The following KCNB2 variants were observed in gnomAD, a reference collection of about 807,000 sequenced individuals.
KCNB2 encodes delayed rectifier potassium channel protein.
Under a neutral mutation model 61.5 loss-of-function variants are expected in KCNB2, and 15 were observed. The ratio of observed to expected loss-of-function variants is 0.24; its 90% CI spans 0.16 to 0.38. KCNB2 has a LOEUF of 0.38. Among genes scored for constraint, KCNB2 ranks in the 10% least tolerant of loss-of-function variants. The probability of loss-of-function intolerance (pLI) is 1.00; values close to 1 mark genes in which losing one functional copy is unlikely to be tolerated. For missense variants in KCNB2, 828 were observed against 1,125.2 expected (o/e 0.74, Z 3.78); for synonymous variants, 457 against 446.0 (o/e 1.02, Z -0.31).
chr8:72,642,714 G>C (rs2128985829), intron 2 of KCNB2, among the ~76,000 whole-genome samples: 1 of 152,230 alleles, frequency 6.6e-6, no homozygotes, highest in East Asian at 1.9e-4. Flanking sequence ...CTGCAAAACT[G>C]GGTATCAAAA....
At chr8:72,572,508 C>T (rs1806725863) in intron 2 of KCNB2, among the ~76,000 whole-genome samples, 1 of 151,986 alleles carries the variant, frequency 6.6e-6, no homozygotes, top group Non-Finnish European at 1.5e-5. Context: ...GTAGCCACCA[C>T]TTCCTCCCTC....
At chr8:72,561,728 T>C (rs1276593677) in intron 1 of KCNB2, among the ~76,000 whole-genome samples, 2 of 8,104 alleles carry the variant, frequency 2.5e-4, no homozygotes, top group African/African-American at 2.1e-3. Context: ...TATATATATA[T>C]CTATATCTAT....
chr8:72,793,104 C>T (rs1037709208), intron 2 of KCNB2, among the ~76,000 whole-genome samples: 6 of 152,152 alleles, frequency 3.9e-5, no homozygotes, highest in African/African-American at 1.2e-4. Flanking sequence ...TTTCAAATAT[C>T]CTTTCGTATT....
At chr8:72,731,698 C>T (rs1266557455) in intron 2 of KCNB2, among the ~76,000 whole-genome samples, 1 of 152,152 alleles carries the variant, frequency 6.6e-6, no homozygotes, top group East Asian at 1.9e-4. Context: ...AATGCTAAGG[C>T]CACTCCTCTC....
At chr8:72,706,025 A>G (rs1044531556) in intron 2 of KCNB2, among the ~76,000 whole-genome samples, 1 of 152,182 alleles carries the variant, frequency 6.6e-6, no homozygotes, top group African/African-American at 2.4e-5. Flanking sequence ...AGGCTCCTCT[A>G]TTAGAAGGAG....
chr8:72,749,052 T>C (rs1004212637), intron 2 of KCNB2, among the ~76,000 whole-genome samples: 8 of 152,188 alleles, frequency 5.3e-5, no homozygotes, highest in Non-Finnish European at 8.8e-5. Context: ...TGTATAGTAC[T>C]CCAGAACCTC....
At chr8:72,716,361 A>G (rs1209161358) in intron 2 of KCNB2, among the ~76,000 whole-genome samples, 2 of 152,168 alleles carry the variant, frequency 1.3e-5, no homozygotes, top group African/African-American at 4.8e-5. Context: ...CACGACAAAA[A>G]AAGAGAATTT....
intron 2 of KCNB2, among the ~76,000 whole-genome samples, chr8:72,909,896 A>G (rs1306261227): frequency 6.6e-6 from 1 of 152,138 alleles, no homozygotes; most frequent in Non-Finnish European, 1.5e-5. Flanking sequence ...GGTGAATTCT[A>G]TTTGAGGTAT....
chr8:72,566,782 T>C (rs1281715337), intron 1 of KCNB2, among the ~76,000 whole-genome samples: 2 of 151,806 alleles, frequency 1.3e-5, no homozygotes, highest in Non-Finnish European at 1.5e-5. Flanking sequence ...CGAACCAGCA[T>C]TGTGGTAATG....
At chr8:72,891,543 A>G (rs986149869) in intron 2 of KCNB2, among the ~76,000 whole-genome samples, 8 of 152,244 alleles carry the variant, frequency 5.3e-5, no homozygotes, top group African/African-American at 1.9e-4. Context: ...TTTCCAATGT[A>G]GTATCAAGAA....
intron 2 of KCNB2, among the ~76,000 whole-genome samples, chr8:72,825,555 T>G (rs1261325593): frequency 6.6e-6 from 1 of 152,212 alleles, no homozygotes; most frequent in Non-Finnish European, 1.5e-5. Context: ...TCCCTGATGC[T>G]TGTTATTTTC....
At chr8:72,897,274 T>TAA (rs11379809) in intron 2 of KCNB2, among the ~76,000 whole-genome samples, 34 of 150,612 alleles carry the variant, frequency 2.3e-4, no homozygotes, top group Non-Finnish European at 4.4e-4. Context: ...CAAGTGAAAA[T>TAA]AAAAAAATTA....
chr8:72,935,086 C>T (rs1402029916), intron 2 of KCNB2, among the ~76,000 whole-genome samples: 1 of 151,996 alleles, frequency 6.6e-6, no homozygotes, highest in East Asian at 1.9e-4. Flanking sequence ...TACTTTGAGA[C>T]AGAAAGGTTA....
intron 2 of KCNB2, among the ~76,000 whole-genome samples, chr8:72,768,367 G>A (rs973773152): frequency 7.9e-5 from 12 of 152,048 alleles, no homozygotes; most frequent in Non-Finnish European, 8.8e-5. Flanking sequence ...TAGAGATGTT[G>A]TTTTGCCATG....
chr8:72,668,191 G>A (rs1045687487), intron 2 of KCNB2, among the ~76,000 whole-genome samples: 1 of 152,132 alleles, frequency 6.6e-6, no homozygotes, highest in Non-Finnish European at 1.5e-5. Flanking sequence ...AACACATATG[G>A]AATACTGACA....
At chr8:72,733,154 TA>T (rs1397637719) in intron 2 of KCNB2, among the ~76,000 whole-genome samples, 1 of 152,194 alleles carries the variant, frequency 6.6e-6, no homozygotes, top group Non-Finnish European at 1.5e-5. Context: ...GAGCAGATGT[TA>T]TACTAAGAGT....
chr8:72,937,682 C>T lies in KCNB2; in HGVS notation c.2327C>T (p.Pro776Leu), dbSNP rs752480489. The change falls in exon 3 of 3, where the codon CCT (proline) becomes CTT (leucine). Residue 776 changes from proline to leucine, a missense_variant. By Grantham distance (98) the Pro-to-Leu change is moderately conservative (BLOSUM62 -3). Transcript: ENST00000523207. ...TTGCTGGGCACTGAGGTTTCAGCGC[C>T]TTGTCAGGGACCTTCCAAAGGGCTG... ...RPLLGTEVSA[P>L]CQGPSKGLSP... 6.1e-5 allele frequency: 98 copies of T among 1,613,910 alleles called. No homozygotes were observed. The highest frequency in any genetic ancestry group is 7.5e-5 in the Non-Finnish European group (89 of 1,179,994).
intron 2 of KCNB2, among the ~76,000 whole-genome samples, chr8:72,778,235 G>A (rs1808689795): frequency 6.6e-6 from 1 of 152,114 alleles, no homozygotes; most frequent in Admixed American, 6.5e-5. Context: ...AACAAAGAGT[G>A]AGTTTTCACA....
intron 2 of KCNB2, among the ~76,000 whole-genome samples, chr8:72,778,769 A>C (rs142510723): frequency 0.017 from 2,438 of 142,790 alleles, 53 homozygotes; most frequent in African/African-American, 0.06. Flanking sequence ...AAAAAGAAAG[A>C]AAGAAAGAAA....
Sources: gnomAD v4.1 joint callset for allele counts (sites outside exome capture counted in the v4.1 genomes callset) on GRCh38, gnomAD v4.1.1 for gene constraint, MANE v1.5 for transcripts, NCBI Gene and HGNC (gene_info 2026-07-23, HGNC 2026-07-21) for gene names.